The following FBLN7 variants were observed in gnomAD, a reference collection of about 807,000 sequenced individuals.
The protein encoded by FBLN7 is fibulin-7.
In FBLN7, 31 loss-of-function variants were observed where a neutral mutation model predicts 44.0. That is an observed-to-expected ratio of 0.70 (90% CI 0.53 to 0.95). The LOEUF is 0.95. FBLN7 is among the 40% of genes least tolerant of loss of function. The pLI is 0.00. For missense variants in FBLN7, 573 were observed against 618.5 expected, an observed-to-expected ratio of 0.93 and a Z score of 0.78; for synonymous variants, 262 against 253.4, an observed-to-expected ratio of 1.03 and a Z score of -0.32.
the FBLN7 span, among the ~76,000 whole-genome samples, chr2:112,226,297 A>T: frequency 0.13 from 19,149 of 151,702 alleles, 1,376 homozygotes; most frequent in Non-Finnish European, 0.16. Flanking sequence ...AAATCTAATT[A>T]AAAAAAAGCG....
the FBLN7 span, among the ~76,000 whole-genome samples, chr2:112,195,739 C>T: frequency 1.3e-5 from 2 of 152,232 alleles, no homozygotes; most frequent in South Asian, 4.1e-4. Context: ...TCCCTACAGA[C>T]CTGACCTGCT....
chr2:112,191,166 T>G (rs1198481230), downstream of FBLN7, among the ~76,000 whole-genome samples: 2 of 151,984 alleles, frequency 1.3e-5, no homozygotes, highest in Non-Finnish European at 2.9e-5. Context: ...TGTAGTGTTT[T>G]CGTTTTATTT....
At chr2:112,211,091 T>TG in the FBLN7 span, among the ~76,000 whole-genome samples, 1 of 152,234 alleles carries the variant, frequency 6.6e-6, no homozygotes, top group African/African-American at 2.4e-5. Context: ...AAGTCCTAGA[T>TG]GCATGGCAGT....
chr2:112,215,299 A>G, the FBLN7 span: 1 of 152,244 alleles, frequency 6.6e-6, no homozygotes, highest in Admixed American at 6.5e-5. Context: ...ACAGCTGAGA[A>G]GCGAACCAAT....
chr2:112,205,508 G>T, the FBLN7 span, among the ~76,000 whole-genome samples: 1 of 151,752 alleles, frequency 6.6e-6, no homozygotes, highest in Non-Finnish European at 1.5e-5. Flanking sequence ...AGCAGGAAAA[G>T]AAAAAAAGAA....
the FBLN7 span, chr2:112,233,338 T>C: frequency 6.3e-7 from 1 of 1,596,342 alleles, no homozygotes; most frequent in Non-Finnish European, 8.5e-7. Context: ...TTCTTTTCTA[T>C]CTCTGCATCA....
chr2:112,234,344 T>C, the FBLN7 span: 2 of 806,836 alleles, frequency 2.5e-6, no homozygotes, highest in African/African-American at 1.8e-5. Context: ...AAGGTGACTC[T>C]TCTAAATTGG....
chr2:112,219,884 A>G, the FBLN7 span, among the ~76,000 whole-genome samples: 1 of 152,192 alleles, frequency 6.6e-6, no homozygotes, highest in East Asian at 1.9e-4. Context: ...TCCCACTATT[A>G]TTGTGTGGTT....
chr2:112,149,115 T>G (rs1283525347), intron 1 of FBLN7, among the ~76,000 whole-genome samples: 1 of 152,174 alleles, frequency 6.6e-6, no homozygotes, highest in Non-Finnish European at 1.5e-5. Flanking sequence ...CATCTTCTGC[T>G]TTCTCTAGCA....
At chr2:112,175,467 C>T (rs1228193415) in intron 3 of FBLN7, among the ~76,000 whole-genome samples, 1 of 152,168 alleles carries the variant, frequency 6.6e-6, no homozygotes, top group Admixed American at 6.5e-5. Flanking sequence ...ATGCAGAGCC[C>T]CAGGTGGGCA....
chr2:112,185,345 T>A lies in FBLN7; in HGVS notation c.947+6T>A. 6.2e-7 allele frequency: 1 copy of A among 1,612,182 alleles called. No individual in the cohort carries two copies. On this transcript the variant is annotated splice_donor_region_variant and intron_variant, in intron 7 of 7. Coordinates refer to ENST00000331203, the MANE Select transcript of FBLN7 (RefSeq NM_153214.3). ...TACGTGAAGACGTCTCCATTGTGAG[T>A]ATCTCCAGGGGAGGCACACCCTCAC...
intron 2 of FBLN7, among the ~76,000 whole-genome samples, chr2:112,160,748 G>GCA: frequency 1.5e-5 from 1 of 67,406 alleles, no homozygotes; most frequent in Admixed American, 1.4e-4. Context: ...GCACACACGC[G>GCA]CACGCACACA....
At chr2:112,164,868 AC>A in intron 2 of FBLN7, 132 bp from the exon 3 acceptor site, 1 of 966,488 alleles carries the variant, frequency 1.0e-6, no homozygotes, top group Non-Finnish European at 1.5e-6. Context: ...ATGCAGAATG[AC>A]CAGCACAGTG....
intron 4 of FBLN7, chr2:112,176,194 C>T (rs1184074326): frequency 5.5e-6 from 1 of 182,928 alleles, no homozygotes; most frequent in African/African-American, 2.4e-5. Flanking sequence ...CCTTTTCTTT[C>T]CAGTGTTCCC....
At chr2:112,199,274 G>T in the FBLN7 span, among the ~76,000 whole-genome samples, 1 of 152,220 alleles carries the variant, frequency 6.6e-6, no homozygotes, top group Non-Finnish European at 1.5e-5. Context: ...GTTGTACGGT[G>T]GGCAGAGTCA....
chr2:112,185,032 C>T (rs1423839731), intron 6 of FBLN7, among the ~76,000 whole-genome samples, 169 bp from the exon 7 acceptor site: 1 of 151,856 alleles, frequency 6.6e-6, no homozygotes, highest in East Asian at 1.9e-4. Flanking sequence ...GGCATTTCCT[C>T]AGGGCCCTGA....
At chr2:112,149,118 C>G (rs1352630138) in intron 1 of FBLN7, among the ~76,000 whole-genome samples, 1 of 152,158 alleles carries the variant, frequency 6.6e-6, no homozygotes, top group African/African-American at 2.4e-5. Context: ...CTTCTGCTTT[C>G]TCTAGCAGCC....
chr2:112,149,350 A>G (rs1310152817), intron 1 of FBLN7, among the ~76,000 whole-genome samples: 1 of 152,198 alleles, frequency 6.6e-6, no homozygotes, highest in Non-Finnish European at 1.5e-5. Flanking sequence ...GAGTCTTTCA[A>G]TCAGGAACGG....
the FBLN7 span, among the ~76,000 whole-genome samples, chr2:112,229,019 A>G: frequency 4.0e-3 from 613 of 152,350 alleles, no homozygotes; most frequent in Non-Finnish European, 6.5e-3. Context: ...CCTACTGGAA[A>G]AGCTATAATC....
Sources: gnomAD v4.1 joint callset for allele counts (sites outside exome capture counted in the v4.1 genomes callset) on GRCh38, gnomAD v4.1.1 for gene constraint, MANE v1.5 for transcripts, NCBI Gene and HGNC (gene_info 2026-07-23, HGNC 2026-07-21) for gene names.